CACNA1C: variants seen among roughly 807,000 people sequenced by gnomAD.
CACNA1C encodes calcium voltage-gated channel subunit alpha1 C.
CACNA1C carries 30 observed loss-of-function variants against 229.0 expected under a neutral mutation model. That is an observed-to-expected ratio of 0.13 (90% CI 0.10 to 0.18). The LOEUF (loss-of-function observed/expected upper bound fraction) is 0.18, where lower values mean the gene tolerates loss of function less well. CACNA1C is among the 10% of genes least tolerant of loss of function. The pLI, the probability that CACNA1C is intolerant of heterozygous loss-of-function variation, is 1.00. For missense variants in CACNA1C, 1,658 were observed against 2,845.0 expected, an observed-to-expected ratio of 0.58 and a Z score of 9.49; for synonymous variants, 1,114 against 1,132.5, an observed-to-expected ratio of 0.98 and a Z score of 0.33.
chr12:2,565,876 A>G (rs895388546), intron 11 of CACNA1C, among the ~76,000 whole-genome samples: 7 of 152,202 alleles, frequency 4.6e-5, no homozygotes, highest in Non-Finnish European at 1.5e-5. Flanking sequence ...GCAGAAAACT[A>G]CGGATGGCTC....
chr12:2,271,873 G>A (rs2085169634), intron 3 of CACNA1C, among the ~76,000 whole-genome samples: 1 of 152,170 alleles, frequency 6.6e-6, no homozygotes, highest in Non-Finnish European at 1.5e-5. Context: ...TCCAGCCTGG[G>A]TGAGAGAGTG....
rs1388894965 is a variant in CACNA1C, at chr12:2,632,733, C to G, written c.3829-1564C>G. On this transcript the variant is annotated intron_variant, in intron 29 of 46. Transcript: ENST00000399655. This position sits in a 1 kb window ranked among gnomAD's most constrained non-coding sequence, Gnocchi z 4.1. ...AGCCTATCCCTAGCAAACCCATCCT[C>G]AGGAAACGCTTTGATCACCGCGTGC... is the stretch of plus-strand genomic sequence containing the variant. Among the ~76,000 whole-genome samples, 1 of 152,176 alleles carries G rather than the reference C, an allele frequency of 6.6e-6. No individual in the cohort carries two copies. The highest frequency in any genetic ancestry group is 1.5e-5 in the Non-Finnish European group (1 of 68,028).
chr12:2,044,004 T>A (rs1366963501), intron 1 of CACNA1C, among the ~76,000 whole-genome samples: 1 of 152,174 alleles, frequency 6.6e-6, no homozygotes, highest in Non-Finnish European at 1.5e-5. Context: ...TTGATATGGG[T>A]GGCATTGGTC....
chr12:2,430,672 G>C (rs1258284449), intron 3 of CACNA1C, among the ~76,000 whole-genome samples: 3 of 152,062 alleles, frequency 2.0e-5, no homozygotes, highest in African/African-American at 4.8e-5. Context: ...CAAGCACCCT[G>C]GTCTCTGTTC....
chr12:2,671,826 G>A (rs1187513371), intron 38 of CACNA1C, among the ~76,000 whole-genome samples: 4 of 152,196 alleles, frequency 2.6e-5, no homozygotes, highest in African/African-American at 9.7e-5. Flanking sequence ...TAAACACAAA[G>A]ACATTTCAGA....
intron 3 of CACNA1C, among the ~76,000 whole-genome samples, chr12:2,364,734 A>T (rs1482485855): frequency 1.3e-5 from 2 of 152,118 alleles, no homozygotes; most frequent in Non-Finnish European, 2.9e-5. Context: ...ATGGAGGAGA[A>T]AGACCAGTCA....
At chr12:2,157,989 A>T (rs1302525988) in intron 3 of CACNA1C, among the ~76,000 whole-genome samples, 3 of 152,320 alleles carry the variant, frequency 2.0e-5, no homozygotes, top group Admixed American at 6.5e-5. Flanking sequence ...AAATTGAAGA[A>T]TATCCAAGAA....
intron 6 of CACNA1C, among the ~76,000 whole-genome samples, chr12:2,491,740 A>T (rs998568709): frequency 4.6e-5 from 7 of 152,216 alleles, no homozygotes; most frequent in Non-Finnish European, 7.3e-5. Flanking sequence ...CCTAAGAATT[A>T]TCTCTTACTT....
intron 3 of CACNA1C, among the ~76,000 whole-genome samples, chr12:2,235,454 T>C (rs1406332282): frequency 6.6e-6 from 1 of 152,218 alleles, no homozygotes; most frequent in Non-Finnish European, 1.5e-5. Flanking sequence ...GCTAATTTTT[T>C]TTCACCCAGA....
chr12:2,470,364 G>T (rs976990916), intron 5 of CACNA1C, among the ~76,000 whole-genome samples: 2 of 152,108 alleles, frequency 1.3e-5, no homozygotes, highest in African/African-American at 4.8e-5. Flanking sequence ...AATAATAAAG[G>T]CCACTTAGGC....
At chr12:2,202,239 T>G (rs2097597997) in intron 3 of CACNA1C, among the ~76,000 whole-genome samples, 1 of 152,232 alleles carries the variant, frequency 6.6e-6, no homozygotes, top group African/African-American at 2.4e-5. Flanking sequence ...ACAGGGACAC[T>G]GAGCCCAGGC....
At chr12:2,230,055 C>T (rs1230673852) in intron 3 of CACNA1C, among the ~76,000 whole-genome samples, 2 of 152,194 alleles carry the variant, frequency 1.3e-5, no homozygotes, top group African/African-American at 4.8e-5. Context: ...GCAGCGATTC[C>T]CTCAGGTTAG....
chr12:1,992,142 T>C, intron 1 of CACNA1C: 1 of 239,420 alleles, frequency 4.2e-6, no homozygotes, highest in Admixed American at 4.8e-5. Flanking sequence ...CAAAGAAACA[T>C]GAGGAGAAAA....
chr12:2,679,660 G>A lies in CACNA1C; in HGVS notation c.5308G>A (p.Ala1770Thr), dbSNP rs912150219. The A allele has an allele frequency of 2.5e-6, 4 of 1,613,744 alleles. No individual in the cohort carries two copies. Among genetic ancestry groups the A allele is most frequent in the South Asian group, 1.1e-5 (1 of 91,048 alleles). ...CGGCTCCAACGCCAACATCAACAAC[G>A]CCAACAACACCGCCCTGGGTCGCCT... The part of the protein sequence containing the change: ...STGSNANINN[A>T]NNTALGRLPR... Residue 1770 changes from alanine to threonine, a missense_variant, in exon 42 of 47, where the codon GCC (alanine) becomes ACC (threonine). Transcript: ENST00000399655. This position sits in a 1 kb window ranked among gnomAD's most constrained non-coding sequence, Gnocchi z 5.5.
chr12:2,180,381 G>A (rs1324697086), intron 3 of CACNA1C, among the ~76,000 whole-genome samples: 2 of 152,240 alleles, frequency 1.3e-5, no homozygotes, highest in Non-Finnish European at 2.9e-5. Flanking sequence ...GGGCCTGAGT[G>A]CTGGCAAGCC....
At chr12:1,998,301 G>A (rs2041417390) in intron 1 of CACNA1C, among the ~76,000 whole-genome samples, 1 of 152,222 alleles carries the variant, frequency 6.6e-6, no homozygotes, top group Non-Finnish European at 1.5e-5. Context: ...TTAGAAAGAA[G>A]AGTGCTGCCT....
intron 3 of CACNA1C, among the ~76,000 whole-genome samples, chr12:2,380,021 A>C: frequency 7.0e-6 from 1 of 142,418 alleles, no homozygotes; most frequent in Non-Finnish European, 1.5e-5. Context: ...ACAGAGCGAG[A>C]CTCCGTCTCA....
chr12:2,594,531 TTG>T (rs2067110835), intron 19 of CACNA1C, among the ~76,000 whole-genome samples: 1 of 152,260 alleles, frequency 6.6e-6, no homozygotes, highest in South Asian at 2.1e-4. Flanking sequence ...GTTCCATTTG[TTG>T]CTTGATTTTC....
At chr12:2,383,096 C>T (rs2154545997) in intron 3 of CACNA1C, among the ~76,000 whole-genome samples, 1 of 152,296 alleles carries the variant, frequency 6.6e-6, no homozygotes, top group African/African-American at 2.4e-5. Context: ...GTGATCCAGG[C>T]AAGTGGTTTA....
Sources: gnomAD v4.1 joint callset for allele counts (sites outside exome capture counted in the v4.1 genomes callset) on GRCh38, gnomAD v4.1.1 for gene constraint, Gnocchi (gnomAD v3.1) non-coding constraint, MANE v1.5 for transcripts, NCBI Gene and HGNC (gene_info 2026-07-23, HGNC 2026-07-21) for gene names.